RSPH9: variants seen among roughly 807,000 people sequenced by gnomAD.
The protein encoded by RSPH9 is radial spoke head component 9, also known as radial spoke head protein 9 homolog.
A neutral mutation model predicts 27.0 loss-of-function variants in RSPH9; 27 were observed. The ratio of observed to expected loss-of-function variants is 1.00; its 90% CI spans 0.74 to 1.38. The LOEUF is 1.38. Among genes scored for constraint, RSPH9 ranks in the 40% most tolerant of loss-of-function variants. RSPH9 has a pLI of 0.00. For synonymous variants in RSPH9, 145 were observed against 147.7 expected (o/e 0.98, Z 0.13); for missense variants, 347 against 357.4 (o/e 0.97, Z 0.24).
At chr6:43,668,404 A>G (rs1773365920) in intron 4 of RSPH9, among the ~76,000 whole-genome samples, 1 of 151,958 alleles carries the variant, frequency 6.6e-6, no homozygotes, top group Non-Finnish European at 1.5e-5. Flanking sequence ...CTGGCCCTAC[A>G]TGCCGCTACC....
At chr6:43,660,989 C>G (rs1275777847) in intron 4 of RSPH9, among the ~76,000 whole-genome samples, 6 of 152,192 alleles carry the variant, frequency 3.9e-5, no homozygotes, top group African/African-American at 1.4e-4. Context: ...CGTTGTACAT[C>G]TCCATCAGGG....
At position 43,651,042 on chromosome 6, in the gene RSPH9, G is replaced by A. The variant is rs1056009929; in HGVS notation, c.393+502G>A. ...ACTCCTGGGCTCAAATAATCCTTCC[G>A]CCTCAGCCTCCCAAGTAGCTAGGAG... On this transcript the variant is annotated intron_variant, in intron 2 of 4. Coordinates refer to ENST00000372163, the MANE Select transcript of RSPH9 (RefSeq NM_152732.5). 8.0e-5 allele frequency among the ~76,000 whole-genome samples: 12 copies of A among 150,684 alleles called. No individual in the cohort carries two copies. The East Asian group carries it at 1.5e-3, about 19-fold the overall frequency.
chr6:43,656,886 GTACA>G (rs780629651), intron 4 of RSPH9, among the ~76,000 whole-genome samples, 163 bp downstream of exon 4: 31 of 152,192 alleles, frequency 2.0e-4, no homozygotes, highest in Non-Finnish European at 4.6e-4. Flanking sequence ...CCAGCTTATA[GTACA>G]CACTGATGAG....
Position 43,671,713 on chromosome 6 carries a change from C to T in RSPH9, c.*764C>T. The T allele has an allele frequency of 6.2e-7, 1 of 1,611,592 alleles. No individual in the cohort carries two copies. Among genetic ancestry groups the T allele is most frequent in the African/African-American group, 1.3e-5 (1 of 74,976 alleles). ...GGCCAAGGGCTTGTGAGTGGGCCTCCTACTCCCCAGCACAGGTGCAGGAGG... is the reference window on the plus strand; with the variant it reads ...GGCCAAGGGCTTGTGAGTGGGCCTCTTACTCCCCAGCACAGGTGCAGGAGG... On this transcript the variant is annotated 3_prime_UTR_variant, in exon 5 of 5. Transcript: ENST00000372163.
In RSPH9 at chr6:43,672,293, TG is replaced by T. The variant is rs1386325303; in HGVS notation, c.*1345del. Reference sequence around the variant, plus strand: ...GATGTAAGGCTCTGGAGGAACCCATTGCTCTTCCCCATTTGGCTCACTCAGC... The same window carrying T: ...GATGTAAGGCTCTGGAGGAACCCATTCTCTTCCCCATTTGGCTCACTCAGC... On this transcript the variant is annotated 3_prime_UTR_variant, in exon 5 of 5. Coordinates refer to ENST00000372163, the MANE Select transcript of RSPH9 (RefSeq NM_152732.5). 1.3e-5 allele frequency: 6 copies of T among 457,942 alleles called. No homozygotes were observed. The allele number at this position is 457,942 out of a possible 1,614,324, so 28.4% of individuals were successfully genotyped here.
At chr6:43,669,066 GA>G (rs1773435421) in intron 4 of RSPH9, among the ~76,000 whole-genome samples, 1 of 152,218 alleles carries the variant, frequency 6.6e-6, no homozygotes, top group Non-Finnish European at 1.5e-5. Context: ...CTGAGAGGCA[GA>G]GGACCTCAAG....
At position 43,669,633 on chromosome 6, in the gene RSPH9, C is replaced by T. The variant is rs538873914; in HGVS notation, c.671-1156C>T. Among the ~76,000 whole-genome samples the T allele has an allele frequency of 1.1e-4, 16 of 152,376 alleles. No homozygotes were observed. In the South Asian group the frequency reaches 2.7e-3, roughly 26 times the overall value. Reference sequence around the variant, plus strand: ...TGGTCCAACACCAAAACTTTCAAAGCATTTGCCTTTCTGGCAGGGCCTGGA... The same window carrying T: ...TGGTCCAACACCAAAACTTTCAAAGTATTTGCCTTTCTGGCAGGGCCTGGA... On this transcript the variant is annotated intron_variant, in intron 4 of 4. Transcript: ENST00000372163.
chr6:43,672,040 G>A lies in RSPH9; in HGVS notation c.*1091G>A. 1 of 1,094,200 alleles carries A rather than the reference G, an allele frequency of 9.1e-7. No individual in the cohort carries two copies. Among genetic ancestry groups the A allele is most frequent in the South Asian group, 1.7e-5 (1 of 60,142 alleles). The allele number at this position is 1,094,200 out of a possible 1,614,324, so 67.8% of individuals were successfully genotyped here. A position where few individuals can be genotyped will look rare whatever the true frequency, so the allele number is the denominator to read the frequency against. On this transcript the variant is annotated 3_prime_UTR_variant, in exon 5 of 5. Transcript: ENST00000372163. ...CTTTCACCAGTTTCCCTTTCCTGAA[G>A]TGCAGGGATTTTCCTGGGAGTAACT...
chr6:43,660,955 C>T (rs1772549942), intron 4 of RSPH9, among the ~76,000 whole-genome samples: 2 of 152,170 alleles, frequency 1.3e-5, no homozygotes, highest in Admixed American at 6.6e-5. Context: ...GTTGTGTTAG[C>T]AGGCAGGAAA....
intron 4 of RSPH9, among the ~76,000 whole-genome samples, chr6:43,660,981 TTGTACA>T (rs1221785518): frequency 6.6e-6 from 1 of 152,200 alleles, no homozygotes; most frequent in Non-Finnish European, 1.5e-5. Flanking sequence ...ATTAATCTCG[TTGTACA>T]TCTCCATCAG....
At chr6:43,652,807 C>T (rs111704000) in intron 2 of RSPH9, among the ~76,000 whole-genome samples, 1,829 of 144,554 alleles carry the variant, frequency 0.013, 37 homozygotes, top group African/African-American at 0.044. Context: ...ATGTAGGTTT[C>T]GAAGTTTTAT....
In RSPH9 at chr6:43,672,249, C is replaced by A; in HGVS notation, c.*1300C>A. 1 of 435,024 alleles carries A rather than the reference C, an allele frequency of 2.3e-6. No individual in the cohort carries two copies. Among genetic ancestry groups the A allele is most frequent in the East Asian group, 5.8e-5 (1 of 17,386 alleles). 26.9% of individuals were successfully genotyped at this position (435,024 alleles called of 1,614,324 possible). On this transcript the variant is annotated 3_prime_UTR_variant, in exon 5 of 5. Coordinates refer to ENST00000372163, the MANE Select transcript of RSPH9 (RefSeq NM_152732.5). ...GCAGATCATTCCTCTCTGGCCTCAGCCATGGGGCGAGAAGAGCTGATGTAA... is the reference window on the plus strand; with the variant it reads ...GCAGATCATTCCTCTCTGGCCTCAGACATGGGGCGAGAAGAGCTGATGTAA...
At chr6:43,666,603 G>T (rs1375066580) in intron 4 of RSPH9, 2 of 877,336 alleles carry the variant, frequency 2.3e-6, no homozygotes, top group Non-Finnish European at 3.6e-6. Flanking sequence ...GAGAGCTGTT[G>T]TCCTCATGAG....
intron 4 of RSPH9, among the ~76,000 whole-genome samples, chr6:43,665,997 T>G (rs1158576156): frequency 6.6e-6 from 1 of 152,022 alleles, no homozygotes; most frequent in Non-Finnish European, 1.5e-5. Context: ...GGCTAGTTTT[T>G]GTATTTTTTG....
At position 43,672,243 on chromosome 6, in the gene RSPH9, C is replaced by T; in HGVS notation, c.*1294C>T. On this transcript the variant is annotated 3_prime_UTR_variant, in exon 5 of 5. Coordinates refer to ENST00000372163, the MANE Select transcript of RSPH9 (RefSeq NM_152732.5). ...TGAAGAGCAGATCATTCCTCTCTGGCCTCAGCCATGGGGCGAGAAGAGCTG... is the reference window on the plus strand; with the variant it reads ...TGAAGAGCAGATCATTCCTCTCTGGTCTCAGCCATGGGGCGAGAAGAGCTG... 4.6e-6 allele frequency: 2 copies of T among 436,206 alleles called. No individual in the cohort carries two copies. Among genetic ancestry groups the T allele is most frequent in the Middle Eastern group, 7.2e-4 (2 of 2,772 alleles). The allele number at this position is 436,206 out of a possible 1,614,324, so 27.0% of individuals were successfully genotyped here.
chr6:43,663,749 G>A (rs1772859237), intron 4 of RSPH9, among the ~76,000 whole-genome samples: 1 of 152,088 alleles, frequency 6.6e-6, no homozygotes, highest in African/African-American at 2.4e-5. Context: ...AAAAAAAAGG[G>A]CTGAGTGCGG....
intron 2 of RSPH9, among the ~76,000 whole-genome samples, chr6:43,651,644 G>A (rs1254587549): frequency 6.6e-6 from 1 of 151,962 alleles, no homozygotes; most frequent in African/African-American, 2.4e-5. Flanking sequence ...CGCCTCCTGG[G>A]TTCAAGCAAT....
At chr6:43,655,775 G>A (rs1771941825) in intron 3 of RSPH9, 84 bp downstream of exon 3, 2 of 1,491,686 alleles carry the variant, frequency 1.3e-6, no homozygotes, top group Non-Finnish European at 1.9e-6. Flanking sequence ...TCCAGCAGGG[G>A]GGCTTACACA....
Position 43,645,277 on chromosome 6 carries a change from C to T in RSPH9, c.179C>T (p.Ala60Val). ...ILGLVADYYI[A>V]QGLSEDQLAP... ...GGCCTCGTCGCCGATTACTACATCG[C>T]GCAGGGCCTGAGTGAGGACCAGCTC... The change falls in exon 1 of 5, where the codon GCG becomes GTG. Residue 60 changes from alanine to valine, a missense_variant. By Grantham distance (64) the Ala-to-Val change is moderately conservative (BLOSUM62 0). Transcript: ENST00000372163. The T allele has an allele frequency of 1.2e-6, 2 of 1,612,974 alleles. No individual in the cohort carries two copies. Among genetic ancestry groups the T allele is most frequent in the South Asian group, 1.1e-5 (1 of 91,070 alleles).
Sources: gnomAD v4.1 joint callset for allele counts (sites outside exome capture counted in the v4.1 genomes callset) on GRCh38, gnomAD v4.1.1 for gene constraint, MANE v1.5 for transcripts, NCBI Gene and HGNC (gene_info 2026-07-23, HGNC 2026-07-21) for gene names.